HDAC4: variants seen among roughly 807,000 people sequenced by gnomAD.
HDAC4 encodes the protein histone deacetylase A.
A neutral mutation model predicts 135.1 loss-of-function variants in HDAC4; 16 were observed. The observed-to-expected ratio is 0.12, with a 90% CI of 0.08 to 0.18. The LOEUF is 0.18. Ranked by LOEUF, HDAC4 falls within the 10% of genes least tolerant of loss-of-function variation. The pLI, the probability that HDAC4 is intolerant of heterozygous loss-of-function variation, is 1.00. For missense variants in HDAC4, 1,143 were observed against 1,511.8 expected (o/e 0.76, Z 4.05); for synonymous variants, 685 against 653.4 (o/e 1.05, Z -0.74).
chr2:239,280,827 A>G (rs1340963355), intron 2 of HDAC4, among the ~76,000 whole-genome samples: 1 of 150,714 alleles, frequency 6.6e-6, no homozygotes. Flanking sequence ...ACCACTCTAC[A>G]ATGTACACAC....
chr2:239,270,775 G>GC (rs1288751722), intron 2 of HDAC4, among the ~76,000 whole-genome samples: 3 of 152,166 alleles, frequency 2.0e-5, no homozygotes, highest in Non-Finnish European at 4.4e-5. Flanking sequence ...ACAGATGTGA[G>GC]CGTTACTGTG....
At chr2:239,243,373 C>T (rs1040897209) in intron 2 of HDAC4, among the ~76,000 whole-genome samples, 2 of 152,238 alleles carry the variant, frequency 1.3e-5, no homozygotes, top group Admixed American at 6.5e-5. Flanking sequence ...AGGATGGTCT[C>T]GATCTCCTGA....
chr2:239,356,385 C>T (rs751560276), intron 1 of HDAC4, among the ~76,000 whole-genome samples: 6 of 152,058 alleles, frequency 3.9e-5, no homozygotes, highest in Non-Finnish European at 8.8e-5. Flanking sequence ...AAAGCGAGAC[C>T]CTACTTTCCC....
At chr2:239,269,996 G>C (rs1029022479) in intron 2 of HDAC4, among the ~76,000 whole-genome samples, 2 of 151,796 alleles carry the variant, frequency 1.3e-5, no homozygotes, top group Non-Finnish European at 2.9e-5. Context: ...CCCCCAAAAT[G>C]ATGTCCTTAC....
intron 3 of HDAC4, among the ~76,000 whole-genome samples, chr2:239,216,821 T>C (rs1559238815): frequency 1.3e-5 from 2 of 151,972 alleles, no homozygotes; most frequent in Non-Finnish European, 2.9e-5. Flanking sequence ...TGCACAGGGG[T>C]TCCACCCGCC....
intron 2 of HDAC4, among the ~76,000 whole-genome samples, chr2:239,340,902 A>C (rs1692259061): frequency 6.6e-6 from 1 of 152,116 alleles, no homozygotes; most frequent in African/African-American, 2.4e-5. Context: ...GTCACACCCT[A>C]GTCCCTGTCA....
At chr2:239,134,464 G>A (rs1291073616) in intron 10 of HDAC4, 21 bp from the exon 11 acceptor site, 1 of 1,613,720 alleles carries the variant, frequency 6.2e-7, no homozygotes, top group South Asian at 1.1e-5. Flanking sequence ...CAGCCAGGAT[G>A]CTCGGGTGGA....
chr2:239,358,030 G>A (rs1418739600), intron 1 of HDAC4, among the ~76,000 whole-genome samples: 3 of 151,704 alleles, frequency 2.0e-5, no homozygotes, highest in Non-Finnish European at 4.4e-5. Flanking sequence ...CAAGTGCCTT[G>A]AAAAGCCCAA....
intron 3 of HDAC4, among the ~76,000 whole-genome samples, chr2:239,232,415 T>C (rs530060499): frequency 6.6e-6 from 1 of 152,360 alleles, no homozygotes; most frequent in Admixed American, 6.5e-5. Flanking sequence ...TGGCTCTGTT[T>C]GCTCACTCCA....
intron 4 of HDAC4, among the ~76,000 whole-genome samples, chr2:239,188,169 A>C (rs1412431949): frequency 6.6e-6 from 1 of 152,118 alleles, no homozygotes; most frequent in Non-Finnish European, 1.5e-5. Flanking sequence ...GCACTCACAG[A>C]ATGGTTTGGC....
At chr2:239,261,995 T>C (rs2049401402) in intron 2 of HDAC4, among the ~76,000 whole-genome samples, 1 of 152,206 alleles carries the variant, frequency 6.6e-6, no homozygotes, top group South Asian at 2.1e-4. Context: ...CAGGTTGGCC[T>C]CTTCCCTGAA....
chr2:239,170,745 G>A (rs1257781431), intron 5 of HDAC4, among the ~76,000 whole-genome samples: 1 of 152,206 alleles, frequency 6.6e-6, no homozygotes, highest in Non-Finnish European at 1.5e-5. Context: ...TGGAACACCA[G>A]GGCCGAGGTC....
intron 2 of HDAC4, among the ~76,000 whole-genome samples, chr2:239,300,281 C>T (rs1170611836): frequency 6.6e-6 from 1 of 152,208 alleles, no homozygotes; most frequent in Non-Finnish European, 1.5e-5. Flanking sequence ...TCCTCAAACT[C>T]TCAGTCTAGA....
intron 2 of HDAC4, among the ~76,000 whole-genome samples, chr2:239,318,103 A>G (rs1384358508): frequency 6.6e-6 from 1 of 152,130 alleles, no homozygotes; most frequent in Non-Finnish European, 1.5e-5. Context: ...TGATGCTGAG[A>G]CTTGTGGGTC....
At chr2:239,212,825 T>C (rs566451172) in intron 3 of HDAC4, among the ~76,000 whole-genome samples, 116 of 152,334 alleles carry the variant, frequency 7.6e-4, no homozygotes, top group African/African-American at 2.7e-3. Flanking sequence ...CAGGTCCCTG[T>C]CTGCCACCTG....
chr2:239,080,470 C>T (rs1019004344), intron 22 of HDAC4, among the ~76,000 whole-genome samples: 15 of 152,236 alleles, frequency 9.9e-5, no homozygotes, highest in Non-Finnish European at 2.2e-4. Flanking sequence ...CATTTTAAAA[C>T]GATGACAAGA....
Position 239,331,215 on chromosome 2 carries a change from C to A in HDAC4, c.22+21463G>T, listed in dbSNP as rs1691550351. Among the ~76,000 whole-genome samples the A allele has an allele frequency of 6.6e-6, 1 of 151,960 alleles. No homozygotes were observed. Among genetic ancestry groups the A allele is most frequent in the South Asian group, 2.1e-4 (1 of 4,816 alleles). On this transcript the variant is annotated intron_variant, in intron 2 of 26. Coordinates refer to ENST00000543185, the MANE Select transcript of HDAC4 (RefSeq NM_001378414.1). The surrounding 1 kb of genome is among the most constrained non-coding windows in gnomAD (Gnocchi z 4.5). Reference sequence around the variant, plus strand: ...ATGGCACGAAACTCAACGTCCTGCACATGATTCCTAAAGCTAAATCTGGAA... The same window carrying A: ...ATGGCACGAAACTCAACGTCCTGCAAATGATTCCTAAAGCTAAATCTGGAA...
chr2:239,228,585 A>G (rs1423993771), intron 3 of HDAC4, among the ~76,000 whole-genome samples: 1 of 152,168 alleles, frequency 6.6e-6, no homozygotes, highest in African/African-American at 2.4e-5. Flanking sequence ...CCAGGTGGCA[A>G]AAAGCAAACA....
intron 11 of HDAC4, among the ~76,000 whole-genome samples, chr2:239,129,191 C>T (rs2040400491): frequency 6.6e-6 from 1 of 152,188 alleles, no homozygotes; most frequent in Non-Finnish European, 1.5e-5. Context: ...GGTGCAAAAC[C>T]CAGGGCCGCC....
Sources: gnomAD v4.1 joint callset for allele counts (sites outside exome capture counted in the v4.1 genomes callset) on GRCh38, gnomAD v4.1.1 for gene constraint, Gnocchi (gnomAD v3.1) non-coding constraint, MANE v1.5 for transcripts, NCBI Gene and HGNC (gene_info 2026-07-23, HGNC 2026-07-21) for gene names.